BPNT2: variants seen among roughly 807,000 people sequenced by gnomAD.
BPNT2 encodes 3'(2'), 5'-bisphosphate nucleotidase 2.
Under a neutral mutation model 29.3 loss-of-function variants are expected in BPNT2, and 11 were observed. The observed-to-expected ratio is 0.38, with a 90% CI of 0.24 to 0.62. The LOEUF (loss-of-function observed/expected upper bound fraction) is 0.62. Among genes scored for constraint, BPNT2 ranks in the 20% least tolerant of loss-of-function variants. The pLI is 0.62. For synonymous variants in BPNT2, 195 were observed against 187.7 expected (o/e 1.04, Z -0.32); for missense variants, 459 against 473.4 (o/e 0.97, Z 0.28).
chr8:56,976,391 C>T (rs1024606425), intron 3 of BPNT2, among the ~76,000 whole-genome samples: 7 of 152,128 alleles, frequency 4.6e-5, no homozygotes, highest in Non-Finnish European at 7.4e-5. Flanking sequence ...TCTAAATTAA[C>T]GGCCTAGTGT....
At chr8:56,989,887 T>G (rs990513319) in intron 1 of BPNT2, among the ~76,000 whole-genome samples, 1 of 152,232 alleles carries the variant, frequency 6.6e-6, no homozygotes, top group African/African-American at 2.4e-5. Context: ...GCTGTCCTAC[T>G]ATCTCTCTTG....
Position 56,993,369 on chromosome 8 carries a change from C to T in BPNT2, c.217G>A (p.Ala73Thr), listed in dbSNP as rs770447365. The T allele has an allele frequency of 6.2e-7, 1 of 1,609,858 alleles. No homozygotes were observed. The highest frequency in any genetic ancestry group is 1.1e-5 in the South Asian group (1 of 91,074). Reference sequence around the variant, plus strand: ...ACCTCGTCGCCGCCGCGGACTGCGGCCAGCACTGACACAGCCAGCATCTCG... The same window carrying T: ...ACCTCGTCGCCGCCGCGGACTGCGGTCAGCACTGACACAGCCAGCATCTCG... The part of the protein sequence containing the change: ...LREMLAVSVL[A>T]AVRGGDEVRR... The change falls in exon 1 of 5, where the codon GCC (alanine) becomes ACC (threonine). Residue 73 changes from alanine (A) to threonine (T), a missense_variant. Physicochemically the swap from Ala to Thr is moderately conservative, Grantham distance 58. Transcript: ENST00000262644.
intron 3 of BPNT2, among the ~76,000 whole-genome samples, chr8:56,972,748 C>T (rs1806059685): frequency 6.6e-6 from 1 of 151,834 alleles, no homozygotes; most frequent in East Asian, 1.9e-4. Context: ...GCAGCTTCTA[C>T]CAACCAAGAG....
rs367881909 is a variant in BPNT2 at position 56,966,295 on chromosome 8, T to C, written c.704A>G (p.Lys235Arg). Residue 235 changes from lysine to arginine, a missense_variant, in exon 4 of 5, where the codon AAG becomes AGG. By Grantham distance (26) the Lys-to-Arg change is conservative. Transcript: ENST00000262644. ...NVKARSSYNE[K>R]TPRIVVSRSH... ...ACGAGACACAACGATCCTTGGGGTC[T>C]TCTCATTGTAGGAAGAGCGGGCTTT... 7.3e-5 allele frequency: 118 copies of C among 1,613,974 alleles called. No individual in the cohort carries two copies. Among genetic ancestry groups the C allele is most frequent in the Non-Finnish European group, 9.1e-5 (107 of 1,179,958 alleles).
In BPNT2 at chr8:56,958,740, A is replaced by C. The variant is rs967195786; in HGVS notation, c.*5053T>G. 2.0e-5 allele frequency: 3 copies of C among 152,186 alleles called. No homozygotes were observed. The highest frequency in any genetic ancestry group is 4.4e-5 in the Non-Finnish European group (3 of 68,038). The allele number at this position is 152,186 out of a possible 1,614,324, so 9.4% of individuals were successfully genotyped here. ...ACTGCCAAAAGGGAAAAACAAGAAA[A>C]ACCAGCCCTAGCAGTGCCCTGTCAT... On this transcript the variant is annotated 3_prime_UTR_variant, in exon 5 of 5. Transcript: ENST00000262644.
intron 1 of BPNT2, among the ~76,000 whole-genome samples, chr8:56,984,121 C>T (rs1585566434): frequency 6.6e-6 from 1 of 152,154 alleles, no homozygotes; most frequent in South Asian, 2.1e-4. Flanking sequence ...AGTGCCAAGT[C>T]TGGCAACTAC....
intron 1 of BPNT2, among the ~76,000 whole-genome samples, chr8:56,980,794 C>A (rs527367160): frequency 7.2e-6 from 1 of 138,478 alleles, no homozygotes; most frequent in South Asian, 2.4e-4. Context: ...TCTCTCCTTA[C>A]CCCACACCCT....
At chr8:56,975,305 T>A (rs371740469) in intron 3 of BPNT2, among the ~76,000 whole-genome samples, 2 of 152,128 alleles carry the variant, frequency 1.3e-5, no homozygotes, top group African/African-American at 4.8e-5. Context: ...GCCTTGTTAG[T>A]TGAGAAAAAG....
intron 3 of BPNT2, among the ~76,000 whole-genome samples, chr8:56,977,141 T>C (rs1443850669): frequency 6.6e-6 from 1 of 152,190 alleles, no homozygotes; most frequent in Non-Finnish European, 1.5e-5. Context: ...GCAAATACAT[T>C]AAATCTGCAA....
At chr8:56,980,324 T>C in intron 1 of BPNT2, 127 bp from the exon 2 acceptor site, 2 of 766,046 alleles carry the variant, frequency 2.6e-6, no homozygotes, top group Non-Finnish European at 4.3e-6. Context: ...TTATTTCTTT[T>C]GATGCTCCAT....
intron 2 of BPNT2, 55 bp from the exon 3 acceptor site, chr8:56,978,200 T>C (rs1008321411): frequency 9.2e-7 from 1 of 1,088,226 alleles, no homozygotes; most frequent in Non-Finnish European, 1.4e-6. Flanking sequence ...TGTGCATAAA[T>C]TCAAGATACA....
chr8:56,968,442 A>T (rs1040287975), intron 3 of BPNT2, among the ~76,000 whole-genome samples: 3 of 152,114 alleles, frequency 2.0e-5, no homozygotes, highest in Non-Finnish European at 4.4e-5. Flanking sequence ...GAGTCCCTGA[A>T]AAAGAAAAAT....
chr8:56,978,209 C>A, intron 2 of BPNT2, 64 bp from the exon 3 acceptor site: 1 of 994,242 alleles, frequency 1.0e-6, no homozygotes, highest in Admixed American at 1.7e-5. Flanking sequence ...ATTCAAGATA[C>A]AATATTACAC....
intron 1 of BPNT2, 149 bp from the exon 2 acceptor site, chr8:56,980,346 A>C: frequency 3.1e-6 from 2 of 654,224 alleles, no homozygotes; most frequent in Non-Finnish European, 5.2e-6. Flanking sequence ...TTGCAAAATG[A>C]AAATGAAAAT....
chr8:56,977,544 G>C (rs1806161690), intron 3 of BPNT2, among the ~76,000 whole-genome samples: 1 of 152,090 alleles, frequency 6.6e-6, no homozygotes, highest in Non-Finnish European at 1.5e-5. Flanking sequence ...GTTAAACTGT[G>C]TCCCCCAAAA....
chr8:56,976,076 T>C (rs748180936), intron 3 of BPNT2, among the ~76,000 whole-genome samples: 3 of 152,212 alleles, frequency 2.0e-5, no homozygotes, highest in Non-Finnish European at 2.9e-5. Context: ...GACTAGGTTC[T>C]AGATAGCAAT....
At chr8:56,969,807 A>G (rs1383698929) in intron 3 of BPNT2, among the ~76,000 whole-genome samples, 2 of 152,230 alleles carry the variant, frequency 1.3e-5, no homozygotes, top group Non-Finnish European at 2.9e-5. Context: ...CACTGAACAT[A>G]TAAAATTCAT....
At chr8:56,979,103 C>A (rs1563409167) in intron 2 of BPNT2, among the ~76,000 whole-genome samples, 1 of 152,100 alleles carries the variant, frequency 6.6e-6, no homozygotes, top group Non-Finnish European at 1.5e-5. Context: ...ATCACACAAA[C>A]AAAAGAGTTC....
At chr8:56,972,939 T>C (rs1280911608) in intron 3 of BPNT2, among the ~76,000 whole-genome samples, 2 of 152,050 alleles carry the variant, frequency 1.3e-5, no homozygotes, top group Non-Finnish European at 2.9e-5. Flanking sequence ...CAGGAAGGGA[T>C]GGGCTAACTC....
Sources: allele counts gnomAD v4.1 joint callset (sites outside exome capture counted in the v4.1 genomes callset), GRCh38; gene constraint gnomAD v4.1.1; transcripts MANE v1.5; gene names NCBI Gene and HGNC (gene_info 2026-07-23, HGNC 2026-07-21).